Variants in CNBD1 observed in about 807,000 individuals in gnomAD.
CNBD1 encodes cyclic nucleotide-binding domain-containing protein 1.
A neutral mutation model predicts 54.4 loss-of-function variants in CNBD1; 71 were observed. The observed-to-expected ratio is 1.30, with a 90% CI of 1.08 to 1.59. CNBD1 has a LOEUF of 1.59. Among genes scored for constraint, CNBD1 ranks in the 40% most tolerant of loss-of-function variants. CNBD1 has a pLI of 0.00. For missense variants in CNBD1, 659 were observed against 518.0 expected (o/e 1.27, Z -2.64); for synonymous variants, 182 against 170.7 (o/e 1.07, Z -0.51).
chr8:87,313,727 C>G (rs997742496), intron 8 of CNBD1, among the ~76,000 whole-genome samples: 2 of 151,484 alleles, frequency 1.3e-5, no homozygotes, highest in African/African-American at 4.8e-5. Flanking sequence ...AAATATGCAG[C>G]CTTTTACAAT....
chr8:87,058,721 A>G (rs958460285), intron 4 of CNBD1, among the ~76,000 whole-genome samples: 5 of 152,160 alleles, frequency 3.3e-5, no homozygotes, highest in African/African-American at 1.2e-4. Context: ...ACGCAGTAGG[A>G]AGGCCCTGGA....
intron 4 of CNBD1, among the ~76,000 whole-genome samples, chr8:86,963,675 G>T (rs1466552880): frequency 6.6e-6 from 1 of 152,160 alleles, no homozygotes; most frequent in Non-Finnish European, 1.5e-5. Flanking sequence ...TTCCTGAGAT[G>T]CCCTTCACGG....
intron 6 of CNBD1, 39 bp downstream of exon 6, chr8:87,237,151 G>A (rs1807600971): frequency 1.5e-6 from 2 of 1,336,280 alleles, no homozygotes; most frequent in South Asian, 1.4e-5. Context: ...AAGCAACAAG[G>A]TAACGGGCTT....
chr8:86,964,691 C>T (rs538986783), intron 4 of CNBD1, among the ~76,000 whole-genome samples: 1 of 152,240 alleles, frequency 6.6e-6, no homozygotes, highest in Admixed American at 6.5e-5. Context: ...CCTAAAATGA[C>T]TTCTAAGATG....
At chr8:86,986,781 T>C (rs747210543) in intron 4 of CNBD1, among the ~76,000 whole-genome samples, 1 of 152,168 alleles carries the variant, frequency 6.6e-6, no homozygotes, top group Non-Finnish European at 1.5e-5. Flanking sequence ...TTCTTACCTA[T>C]TGCTTATTTT....
Position 86,908,800 on chromosome 8 carries a change from T to TTTGAGACGGAGTCC in CNBD1, c.272+3607_272+3608insTGAGACGGAGTCCT, listed in dbSNP as rs1554629463. 7.1e-3 allele frequency among the ~76,000 whole-genome samples: 970 copies of TTTGAGACGGAGTCC among 135,692 alleles called. 32 individuals are homozygous for TTTGAGACGGAGTCC. The highest frequency in any genetic ancestry group is 0.02 in the Middle Eastern group (5 of 256). 89.0% of individuals were successfully genotyped at this position (135,692 alleles called of 152,430 possible). Reference sequence around the variant, plus strand: ...ATAAGAATTCTTTTTTTTTTTTTTTTTGTGCTGAGGGCAGGAGTGCAGTGG... The same window carrying TTTGAGACGGAGTCC: ...ATAAGAATTCTTTTTTTTTTTTTTTTTTGAGACGGAGTCCTGTGCTGAGGGCAGGAGTGCAGTGG... On this transcript the variant is annotated intron_variant, in intron 3 of 10. Coordinates refer to ENST00000518476, the MANE Select transcript of CNBD1 (RefSeq NM_173538.3).
intron 8 of CNBD1, among the ~76,000 whole-genome samples, chr8:87,324,454 A>G (rs199966702): frequency 6.8e-6 from 1 of 146,202 alleles, no homozygotes; most frequent in Non-Finnish European, 1.5e-5. Context: ...TGGTTGGTAA[A>G]CTATTGATTA....
At chr8:87,193,202 A>G (rs1813648383) in intron 4 of CNBD1, among the ~76,000 whole-genome samples, 1 of 152,194 alleles carries the variant, frequency 6.6e-6, no homozygotes, top group African/African-American at 2.4e-5. Context: ...CCCATAGCAT[A>G]TGGGACTGAG....
chr8:86,867,779 G>A (rs911763875), intron 1 of CNBD1, among the ~76,000 whole-genome samples: 2 of 152,148 alleles, frequency 1.3e-5, no homozygotes, highest in African/African-American at 4.8e-5. Flanking sequence ...CTCGGTAGCT[G>A]GGAGTTAAAA....
intron 4 of CNBD1, among the ~76,000 whole-genome samples, chr8:86,952,861 C>T (rs1411613626): frequency 6.6e-6 from 1 of 152,258 alleles, no homozygotes; most frequent in South Asian, 2.1e-4. Context: ...GTCATTCTTT[C>T]CTCTTGTGTG....
At chr8:87,124,216 A>G (rs1811948550) in intron 4 of CNBD1, among the ~76,000 whole-genome samples, 1 of 151,712 alleles carries the variant, frequency 6.6e-6, no homozygotes, top group Non-Finnish European at 1.5e-5. Flanking sequence ...AATGCAACTT[A>G]TTCTCACCTT....
chr8:87,053,023 A>G (rs1810343036), intron 4 of CNBD1, among the ~76,000 whole-genome samples: 1 of 127,572 alleles, frequency 7.8e-6, no homozygotes, highest in South Asian at 3.0e-4. Flanking sequence ...GGCCCAAGAT[A>G]AGGGGTGGGG....
At chr8:87,325,900 G>A (rs938428936) in intron 8 of CNBD1, among the ~76,000 whole-genome samples, 8 of 129,546 alleles carry the variant, frequency 6.2e-5, no homozygotes, top group South Asian at 2.4e-4. Flanking sequence ...TCCTAGTCTC[G>A]ATGGTCTTTA....
At chr8:87,311,402 C>T (rs1383989208) in intron 8 of CNBD1, among the ~76,000 whole-genome samples, 1 of 151,934 alleles carries the variant, frequency 6.6e-6, no homozygotes, top group Non-Finnish European at 1.5e-5. Context: ...TAGGAGATAC[C>T]ATCTCCCACC....
chr8:87,421,625 T>G (rs1270523223), intron 2 of CNBD1, among the ~76,000 whole-genome samples: 1 of 152,012 alleles, frequency 6.6e-6, no homozygotes, highest in Admixed American at 6.6e-5. Context: ...TATGGCTGCA[T>G]AGTATTCCAC....
intron 6 of CNBD1, among the ~76,000 whole-genome samples, chr8:87,240,687 T>G (rs1230839502): frequency 6.6e-6 from 1 of 152,162 alleles, no homozygotes; most frequent in Non-Finnish European, 1.5e-5. Flanking sequence ...TTTCTGGCTC[T>G]TTCCAGTCAG....
intron 8 of CNBD1, among the ~76,000 whole-genome samples, chr8:87,300,930 A>G (rs1046259684): frequency 7.2e-5 from 11 of 152,138 alleles, no homozygotes; most frequent in Non-Finnish European, 1.0e-4. Flanking sequence ...TGAAAAAATA[A>G]ATAAAATTGA....
intron 8 of CNBD1, among the ~76,000 whole-genome samples, chr8:87,343,209 T>G (rs1810102608): frequency 6.6e-6 from 1 of 152,158 alleles, no homozygotes; most frequent in African/African-American, 2.4e-5. Context: ...AAAATTGCAG[T>G]TATTCCGTTC....
chr8:87,020,285 C>G (rs944542173), intron 4 of CNBD1, among the ~76,000 whole-genome samples: 2 of 151,922 alleles, frequency 1.3e-5, no homozygotes, highest in Non-Finnish European at 2.9e-5. Flanking sequence ...GCTATTACAT[C>G]ACATCAGACC....
Sources: gnomAD v4.1 joint callset for allele counts (sites outside exome capture counted in the v4.1 genomes callset) on GRCh38, gnomAD v4.1.1 for gene constraint, MANE v1.5 for transcripts, NCBI Gene and HGNC (gene_info 2026-07-23, HGNC 2026-07-21) for gene names.